NEGR1: variants seen among roughly 807,000 people sequenced by gnomAD.
NEGR1 encodes neuronal growth regulator 1, also known as IgLON family member 4.
A neutral mutation model predicts 40.9 loss-of-function variants in NEGR1; 10 were observed. The ratio of observed to expected loss-of-function variants is 0.24; its 90% CI spans 0.15 to 0.42. The LOEUF (loss-of-function observed/expected upper bound fraction) is 0.42. Among genes scored for constraint, NEGR1 ranks in the 10% least tolerant of loss-of-function variants. The probability of loss-of-function intolerance (pLI) is 1.00; values close to 1 mark genes in which losing one functional copy is unlikely to be tolerated. For synonymous variants in NEGR1, 185 were observed against 166.8 expected (o/e 1.11, Z -0.84); for missense variants, 352 against 438.9 (o/e 0.80, Z 1.77).
chr1:71,990,011 G>A (rs1053906094), intron 1 of NEGR1, among the ~76,000 whole-genome samples: 6 of 152,144 alleles, frequency 3.9e-5, no homozygotes, highest in African/African-American at 1.4e-4. Flanking sequence ...CAACAAGGAT[G>A]CATTATCTGA....
chr1:71,666,214 A>ATTTTT lies in NEGR1; in HGVS notation c.667+31789_667+31793dup, dbSNP rs755598616. On this transcript the variant is annotated intron_variant, in intron 4 of 6. Transcript: ENST00000357731. ...TGACTCACTTGCAAGTGATAGTTCT[A>ATTTTT]TTTTTTTTACAATTTTTCTATTACG... Among the ~76,000 whole-genome samples the ATTTTT allele has an allele frequency of 2.6e-5, 4 of 151,924 alleles. No homozygotes were observed. The East Asian group carries it at 7.7e-4, about 29-fold the overall frequency.
At chr1:72,271,805 G>A (rs1350352052) in intron 1 of NEGR1, among the ~76,000 whole-genome samples, 1 of 151,828 alleles carries the variant, frequency 6.6e-6, no homozygotes, top group East Asian at 1.9e-4. Flanking sequence ...TGAATCATGA[G>A]AGGCGGTCTT....
chr1:71,668,732 C>T (rs902150773), intron 4 of NEGR1, among the ~76,000 whole-genome samples: 3 of 151,910 alleles, frequency 2.0e-5, no homozygotes, highest in African/African-American at 7.3e-5. Flanking sequence ...AATGAGAATG[C>T]CTTGTGTAGA....
chr1:71,924,775 TACA>T (rs1645756645), intron 2 of NEGR1, among the ~76,000 whole-genome samples: 1 of 152,184 alleles, frequency 6.6e-6, no homozygotes, highest in African/African-American at 2.4e-5. Flanking sequence ...TACTTTTTAC[TACA>T]ACACGCATTC....
chr1:72,158,659 C>G (rs780703104), intron 1 of NEGR1, among the ~76,000 whole-genome samples: 9 of 152,166 alleles, frequency 5.9e-5, no homozygotes, highest in Non-Finnish European at 1.3e-4. Flanking sequence ...AGAACTGGCA[C>G]AGAGTTATCT....
intron 4 of NEGR1, among the ~76,000 whole-genome samples, chr1:71,663,646 T>C (rs1652144093): frequency 6.6e-6 from 1 of 152,238 alleles, no homozygotes; most frequent in Non-Finnish European, 1.5e-5. Flanking sequence ...TTCTTTCTGA[T>C]AGTCTTTTAC....
At chr1:71,678,046 C>T (rs143566445) in intron 4 of NEGR1, among the ~76,000 whole-genome samples, 6 of 103,250 alleles carry the variant, frequency 5.8e-5, no homozygotes, top group African/African-American at 1.8e-4. Flanking sequence ...TTTATTTTTA[C>T]AGAGCACATG....
At chr1:71,607,868 TAGTAG>T (rs1650120048) in intron 5 of NEGR1, among the ~76,000 whole-genome samples, 1 of 152,028 alleles carries the variant, frequency 6.6e-6, no homozygotes, top group Non-Finnish European at 1.5e-5. Context: ...TAATTTTTGT[TAGTAG>T]AGATGGGGTT....
chr1:71,550,329 TGTTGTGTCCTTAAGAGTACCTTC>T (rs1190984782), intron 6 of NEGR1, among the ~76,000 whole-genome samples: 2 of 151,644 alleles, frequency 1.3e-5, no homozygotes, highest in Admixed American at 1.3e-4. Context: ...ATTGACACTA[TGTTGTGTCCTTAAGAGTACCTTC>T]CCTTATTAGG....
chr1:72,151,728 A>G (rs1376914138), intron 1 of NEGR1, among the ~76,000 whole-genome samples: 1 of 151,730 alleles, frequency 6.6e-6, no homozygotes, highest in African/African-American at 2.4e-5. Flanking sequence ...ATGATCTAAG[A>G]AAAAAATTGA....
rs375952735 is a variant in NEGR1 at position 72,117,334 on chromosome 1, A to G, written c.176+164985T>C. ...GTTTGTTTGTCCTCAGTGATCCTTA[A>G]GCACAAGCCTCACTGGCTGCATTAG... On this transcript the variant is annotated intron_variant, in intron 1 of 6. Transcript: ENST00000357731. Among the ~76,000 whole-genome samples, 18 of 151,836 alleles carry G rather than the reference A, an allele frequency of 1.2e-4. No individual in the cohort carries two copies. In the East Asian group the frequency reaches 3.5e-3, roughly 29 times the overall value.
At chr1:72,272,665 T>A (rs536568546) in intron 1 of NEGR1, among the ~76,000 whole-genome samples, 7 of 152,056 alleles carry the variant, frequency 4.6e-5, no homozygotes, top group Non-Finnish European at 1.5e-5. Context: ...GCCCTTTAAG[T>A]TATCTAAAAC....
intron 1 of NEGR1, among the ~76,000 whole-genome samples, chr1:72,084,191 A>G (rs1325898478): frequency 6.6e-6 from 1 of 152,062 alleles, no homozygotes; most frequent in Non-Finnish European, 1.5e-5. Context: ...TGAAAGGTCT[A>G]CCCATCCCCA....
rs182133245 is a variant in NEGR1, at chr1:71,813,992, T to A, written c.410-37695A>T. Among the ~76,000 whole-genome samples, 344 of 152,224 alleles carry A rather than the reference T, an allele frequency of 2.3e-3. 4 individuals are homozygous for A. The highest frequency in any genetic ancestry group is 7.2e-3 in the African/African-American group (299 of 41,552). ...TGTGGTGGAGTGGTGAGAGATGACATCCTTGTCTTGTGCCAGTTTTCAAGG... is the reference window on the plus strand; with the variant it reads ...TGTGGTGGAGTGGTGAGAGATGACAACCTTGTCTTGTGCCAGTTTTCAAGG... On this transcript the variant is annotated intron_variant, in intron 2 of 6. Transcript: ENST00000357731.
intron 4 of NEGR1, among the ~76,000 whole-genome samples, chr1:71,681,255 A>G (rs549341429): frequency 1.3e-5 from 2 of 152,354 alleles, no homozygotes; most frequent in Admixed American, 1.3e-4. Flanking sequence ...TTTCTGTAAC[A>G]ATAAGAAAAT....
At chr1:71,776,531 T>C (rs1227628614) in intron 2 of NEGR1, among the ~76,000 whole-genome samples, 1 of 152,176 alleles carries the variant, frequency 6.6e-6, no homozygotes. Flanking sequence ...AAATGGAATA[T>C]TTAATAACAA....
chr1:71,447,260 A>C lies in NEGR1; in HGVS notation c.941-39690T>G, dbSNP rs546651116. 1.8e-4 allele frequency among the ~76,000 whole-genome samples: 28 copies of C among 152,260 alleles called. No homozygotes were observed. In the East Asian group the frequency reaches 5.0e-3, roughly 27 times the overall value. On this transcript the variant is annotated intron_variant, in intron 6 of 6. Transcript: ENST00000357731. ...GCCAAGTCCTTGGAAAAATTGTAAAAATTGTCTTCCAAGAAACCGGTTCCT... is the reference window on the plus strand; with the variant it reads ...GCCAAGTCCTTGGAAAAATTGTAAACATTGTCTTCCAAGAAACCGGTTCCT...
chr1:72,275,075 C>A lies in NEGR1; in HGVS notation c.176+7244G>T, dbSNP rs879006750. 7 of 1,039,804 alleles carry A rather than the reference C, an allele frequency of 6.7e-6. No individual in the cohort carries two copies. The South Asian group carries it at 7.6e-5, about 11-fold the overall frequency. 64.4% of individuals were successfully genotyped at this position (1,039,804 alleles called of 1,614,324 possible). On this transcript the variant is annotated intron_variant, in intron 1 of 6. Transcript: ENST00000357731. ...CCAACTGAGCAGAAATTTGTTAGCA[C>A]CAGTGACCTCCTGATACCGAAAGAC...
At chr1:71,921,759 T>C (rs1645722977) in intron 2 of NEGR1, among the ~76,000 whole-genome samples, 1 of 147,874 alleles carries the variant, frequency 6.8e-6, no homozygotes, top group South Asian at 2.1e-4. Context: ...GGTTCATACA[T>C]ATACATACAT....
Sources: allele counts gnomAD v4.1 joint callset (sites outside exome capture counted in the v4.1 genomes callset), GRCh38; gene constraint gnomAD v4.1.1; transcripts MANE v1.5; gene names NCBI Gene and HGNC (gene_info 2026-07-23, HGNC 2026-07-21).